Variants in DOCK1 observed in about 807,000 individuals in gnomAD.
DOCK1 encodes the protein dedicator of cytokinesis protein 1.
Under a neutral mutation model 262.7 loss-of-function variants are expected in DOCK1, and 138 were observed. The observed-to-expected ratio is 0.53, with a 90% CI of 0.46 to 0.61. The LOEUF (loss-of-function observed/expected upper bound fraction) is 0.61, where lower values mean the gene tolerates loss of function less well. Ranked by LOEUF, DOCK1 falls within the 20% of genes least tolerant of loss-of-function variation. The pLI is 0.00. For missense variants in DOCK1, 1,908 were observed against 2,370.7 expected (o/e 0.80, Z 4.05); for synonymous variants, 866 against 867.4 (o/e 1.00, Z 0.03).
At chr10:127,014,621 A>G (rs1393097170) in intron 12 of DOCK1, among the ~76,000 whole-genome samples, 2 of 152,172 alleles carry the variant, frequency 1.3e-5, no homozygotes, top group African/African-American at 4.8e-5. Flanking sequence ...ATCTTTCTGT[A>G]AGATATATTT....
chr10:127,367,849 G>A (rs1166850421), intron 33 of DOCK1, among the ~76,000 whole-genome samples: 3 of 152,118 alleles, frequency 2.0e-5, no homozygotes, highest in African/African-American at 7.2e-5. Context: ...GCTGCCTGTG[G>A]GGTTTCTTTT....
At chr10:127,114,547 A>G (rs1378224543) in intron 25 of DOCK1, among the ~76,000 whole-genome samples, 3 of 152,068 alleles carry the variant, frequency 2.0e-5, no homozygotes, top group Admixed American at 6.5e-5. Flanking sequence ...ATGCTCTTCT[A>G]TTTGCATCTG....
rs796213669 is a variant in DOCK1, at chr10:127,344,759, G to A, written c.3224+1013G>A. The stretch of plus-strand genomic sequence containing the variant: ...AGTGGTAATACCAGCTACTTAGGAG[G>A]CTGAGGCAGGAAGATCACTTGAGCC... On this transcript the variant is annotated intron_variant, in intron 31 of 51. Coordinates refer to ENST00000623213, the MANE Select transcript of DOCK1 (RefSeq NM_001290223.2). Among the ~76,000 whole-genome samples the A allele has an allele frequency of 5.9e-5, 9 of 152,262 alleles. 1 individual carries two copies. The highest frequency in any genetic ancestry group is 2.1e-4 in the South Asian group (1 of 4,818).
At chr10:127,300,912 C>T (rs893092092) in intron 29 of DOCK1, among the ~76,000 whole-genome samples, 4 of 152,316 alleles carry the variant, frequency 2.6e-5, no homozygotes, top group African/African-American at 7.2e-5. Flanking sequence ...AACCCCACCA[C>T]GAGGCCGGCA....
rs776185588 is a variant in DOCK1 at position 127,127,643 on chromosome 10, G to A, written c.2752-26G>A. 5.1e-6 allele frequency: 8 copies of A among 1,568,944 alleles called. No individual in the cohort carries two copies. The Admixed American group carries it at 1.0e-4, about 20-fold the overall frequency. ...GCATGTTAATGTTTCTCTGGTGTTG[G>A]TGTTCATTGGTGTGTCCTTCCCCAG... On this transcript the variant is annotated intron_variant, in intron 26 of 51. Coordinates refer to ENST00000623213, the MANE Select transcript of DOCK1 (RefSeq NM_001290223.2).
At chr10:127,291,170 A>C (rs1440275721) in intron 29 of DOCK1, among the ~76,000 whole-genome samples, 2 of 152,132 alleles carry the variant, frequency 1.3e-5, no homozygotes, top group Non-Finnish European at 2.9e-5. Context: ...TTCAGTCAAG[A>C]CTTTTGCTTA....
Position 127,410,830 on chromosome 10 carries a change from C to T in DOCK1, c.4344-10C>T, listed in dbSNP as rs781125537. ...GTTAAATATCTAATGATCTGTCTGT[C>T]TCTGTACAGTTTTTACAGGGTGAAC... On this transcript the variant is annotated splice_polypyrimidine_tract_variant and intron_variant, in intron 42 of 51. Coordinates refer to ENST00000623213, the MANE Select transcript of DOCK1 (RefSeq NM_001290223.2). 3 of 1,613,308 alleles carry T rather than the reference C, an allele frequency of 1.9e-6. No individual in the cohort carries two copies. Among genetic ancestry groups the T allele is most frequent in the Non-Finnish European group, 2.5e-6 (3 of 1,179,640 alleles).
intron 30 of DOCK1, 76 bp from the exon 31 acceptor site, chr10:127,343,569 TA>T (rs2063515161): frequency 8.5e-7 from 1 of 1,171,114 alleles, no homozygotes; most frequent in Non-Finnish European, 1.2e-6. Context: ...GAGCAAATGA[TA>T]AATGTCTGAG....
At chr10:127,294,792 A>G (rs1368877984) in intron 29 of DOCK1, among the ~76,000 whole-genome samples, 1 of 151,540 alleles carries the variant, frequency 6.6e-6, no homozygotes, top group Non-Finnish European at 1.5e-5. Flanking sequence ...GGGACTAAAG[A>G]TGCATGCCCA....
At chr10:126,922,384 G>A (rs1348326886) in intron 1 of DOCK1, among the ~76,000 whole-genome samples, 3 of 152,092 alleles carry the variant, frequency 2.0e-5, no homozygotes, top group Non-Finnish European at 4.4e-5. Context: ...AGGAGCAAGA[G>A]AGGGGAGGAG....
In DOCK1 at chr10:127,389,239, G is replaced by A. The variant is rs369072032; in HGVS notation, c.3927+4330G>A. On this transcript the variant is annotated intron_variant, in intron 38 of 51. Coordinates refer to ENST00000623213, the MANE Select transcript of DOCK1 (RefSeq NM_001290223.2). ...AGCTCGAAGTGTGATGTTTTGTGCCGGACTTAGAATCACTTTTGTTTAAGA... is the reference window on the plus strand; with the variant it reads ...AGCTCGAAGTGTGATGTTTTGTGCCAGACTTAGAATCACTTTTGTTTAAGA... 1.3e-4 allele frequency among the ~76,000 whole-genome samples: 20 copies of A among 152,300 alleles called. No homozygotes were observed. The South Asian group carries it at 3.1e-3, about 24-fold the overall frequency.
In DOCK1 at chr10:127,373,688, T is replaced by G. The variant is rs1209647093; in HGVS notation, c.3433-93T>G. On this transcript the variant is annotated intron_variant, in intron 33 of 51. Coordinates refer to ENST00000623213, the MANE Select transcript of DOCK1 (RefSeq NM_001290223.2). The stretch of plus-strand genomic sequence containing the variant: ...GGCAGAGGGTAGCCATCTATGATGA[T>G]CTCTCTTGCCGATTTATGTTCTATT... 6 of 1,166,796 alleles carry G rather than the reference T, an allele frequency of 5.1e-6. No homozygotes were observed. The East Asian group carries it at 1.5e-4, about 30-fold the overall frequency. 72.3% of individuals were successfully genotyped at this position (1,166,796 alleles called of 1,614,324 possible).
At chr10:127,103,135 T>G (rs1202858075) in intron 23 of DOCK1, among the ~76,000 whole-genome samples, 1 of 152,202 alleles carries the variant, frequency 6.6e-6, no homozygotes, top group East Asian at 1.9e-4. Context: ...GGTTGGTGCT[T>G]CTTGTTACTG....
chr10:127,378,318 G>A (rs936144643), intron 35 of DOCK1, among the ~76,000 whole-genome samples: 9 of 152,196 alleles, frequency 5.9e-5, no homozygotes, highest in Non-Finnish European at 1.2e-4. Flanking sequence ...TCAATGCCTA[G>A]CGGTGGATTG....
At chr10:127,378,249 C>A (rs962282799) in intron 35 of DOCK1, among the ~76,000 whole-genome samples, 2 of 152,168 alleles carry the variant, frequency 1.3e-5, no homozygotes, top group African/African-American at 4.8e-5. Flanking sequence ...TTTTTAAAAT[C>A]TTGGTATCTG....
chr10:127,143,637 C>G (rs1021000711), intron 27 of DOCK1, among the ~76,000 whole-genome samples: 1 of 152,166 alleles, frequency 6.6e-6, no homozygotes, highest in Admixed American at 6.5e-5. Context: ...CTGACATTGG[C>G]GCCAACTTGG....
intron 29 of DOCK1, among the ~76,000 whole-genome samples, chr10:127,325,929 A>G (rs2062729827): frequency 6.6e-6 from 1 of 152,244 alleles, no homozygotes; most frequent in South Asian, 2.1e-4. Flanking sequence ...AGCAAGTCAC[A>G]CAGATTTTTT....
chr10:127,072,543 G>A (rs925075154), intron 23 of DOCK1, among the ~76,000 whole-genome samples: 1 of 152,198 alleles, frequency 6.6e-6, no homozygotes, highest in African/African-American at 2.4e-5. Context: ...TAGTTTAGGG[G>A]TTCAAAGAAG....
At chr10:127,180,755 C>T (rs2055646996) in intron 27 of DOCK1, among the ~76,000 whole-genome samples, 1 of 152,076 alleles carries the variant, frequency 6.6e-6, no homozygotes, top group East Asian at 1.9e-4. Context: ...TACATTCACT[C>T]TGGGCGGCCA....
Sources: allele counts gnomAD v4.1 joint callset (sites outside exome capture counted in the v4.1 genomes callset), GRCh38; gene constraint gnomAD v4.1.1; transcripts MANE v1.5; gene names NCBI Gene and HGNC (gene_info 2026-07-23, HGNC 2026-07-21).